Variants in ADAM19 observed in about 807,000 individuals in gnomAD.
ADAM19 encodes ADAM metallopeptidase domain 19.
In ADAM19, 65 loss-of-function variants were observed where a neutral mutation model predicts 114.7. That is an observed-to-expected ratio of 0.57 (90% CI 0.46 to 0.70). The LOEUF is 0.70. Among genes scored for constraint, ADAM19 ranks in the 30% least tolerant of loss-of-function variants. The pLI is 0.00. For missense variants in ADAM19, 1,063 were observed against 1,204.7 expected (o/e 0.88, Z 1.74); for synonymous variants, 466 against 460.5 (o/e 1.01, Z -0.15).
intron 1 of ADAM19, among the ~76,000 whole-genome samples, chr5:157,574,009 T>C (rs546644960): frequency 2.2e-4 from 33 of 152,352 alleles, no homozygotes; most frequent in African/African-American, 7.0e-4. Flanking sequence ...TTGAAAACTT[T>C]GTATAGAGTC....
At chr5:157,561,301 T>A (rs566787219) in intron 3 of ADAM19, among the ~76,000 whole-genome samples, 7 of 152,230 alleles carry the variant, frequency 4.6e-5, no homozygotes, top group Non-Finnish European at 8.8e-5. Flanking sequence ...CCATGCCCCA[T>A]GCCTTTCCAT....
rs149873195 is a variant in ADAM19 at position 157,509,435 on chromosome 5, G to A, written c.771C>T (p.Leu257=). The A allele has an allele frequency of 5.4e-4, 870 of 1,609,236 alleles. 3 individuals are homozygous for A. The highest frequency in any genetic ancestry group is 6.6e-4 in the Non-Finnish European group (780 of 1,177,350). ...FYRSLNIRIA[L]VGLEVWTHGN... ...CGTGGGTCCACACTTCCAAGCCCAC[G>A]AGAGCAATCCGGATGTTCAAGGATC... The change falls in exon 9 of 23, where the codon CTC becomes CTT. Residue 257 remains leucine (L), a synonymous_variant. Transcript: ENST00000257527.
At chr5:157,491,963 G>A (rs1294553642) in intron 16 of ADAM19, 51 bp from the exon 17 acceptor site, 1 of 1,595,536 alleles carries the variant, frequency 6.3e-7, no homozygotes. Flanking sequence ...GATGCTGGTT[G>A]GGAGTTAGGA....
At chr5:157,514,142 G>A (rs978161610) in intron 7 of ADAM19, among the ~76,000 whole-genome samples, 21 of 152,060 alleles carry the variant, frequency 1.4e-4, no homozygotes, top group East Asian at 1.2e-3. Context: ...AAAACCTGCC[G>A]GGAAAACGTG....
At chr5:157,524,379 T>C (rs956954735) in intron 5 of ADAM19, among the ~76,000 whole-genome samples, 1 of 152,178 alleles carries the variant, frequency 6.6e-6, no homozygotes, top group African/African-American at 2.4e-5. Flanking sequence ...ACAAATGAAA[T>C]TGTATAGGAA....
intron 4 of ADAM19, among the ~76,000 whole-genome samples, chr5:157,535,288 A>G (rs556235986): frequency 4.3e-4 from 65 of 152,112 alleles, no homozygotes; most frequent in Non-Finnish European, 8.7e-4. Flanking sequence ...CATTCCCCCA[A>G]CCGCCTGACC....
At chr5:157,504,151 C>T (rs1272549169) in intron 11 of ADAM19, among the ~76,000 whole-genome samples, 6 of 152,188 alleles carry the variant, frequency 3.9e-5, no homozygotes, top group South Asian at 2.1e-4. Context: ...TCTTCAGATA[C>T]GCTTTTTAGA....
chr5:157,522,031 C>A (rs1756306447), intron 5 of ADAM19, among the ~76,000 whole-genome samples: 1 of 152,222 alleles, frequency 6.6e-6, no homozygotes, highest in South Asian at 2.1e-4. Flanking sequence ...ATCACTTGAA[C>A]AAGCCTGTGA....
At chr5:157,488,597 C>T (rs1755034145) in intron 20 of ADAM19, 108 bp from the exon 21 acceptor site, 7 of 854,906 alleles carry the variant, frequency 8.2e-6, no homozygotes, top group Middle Eastern at 3.7e-4. Context: ...ACACACCAAT[C>T]TATTAAACCC....
At chr5:157,509,823 CAT>C (rs1454541664) in intron 8 of ADAM19, among the ~76,000 whole-genome samples, 3 of 152,192 alleles carry the variant, frequency 2.0e-5, no homozygotes, top group Non-Finnish European at 2.9e-5. Context: ...ATAGGTCTAT[CAT>C]GTGGAAAAAG....
chr5:157,528,104 G>A (rs773139383), intron 5 of ADAM19, among the ~76,000 whole-genome samples: 78 of 152,182 alleles, frequency 5.1e-4, no homozygotes, highest in African/African-American at 1.7e-3. Context: ...GTGTTTTGAC[G>A]ACATGGGTTT....
In ADAM19 at chr5:157,494,682, A is replaced by G. The variant is rs1309333603; in HGVS notation, c.1703+5T>C. ...ATTTCATGAGGCCTGCCCTTTGGTC[A>G]TCACCTCATGTTGCACTTCCTGTGT... On this transcript the variant is annotated splice_donor_5th_base_variant and intron_variant, in intron 15 of 22. Coordinates refer to ENST00000257527, the MANE Select transcript of ADAM19 (RefSeq NM_033274.5). 6.2e-7 allele frequency: 1 copy of G among 1,611,746 alleles called. No homozygotes were observed. The highest frequency in any genetic ancestry group is 1.1e-5 in the South Asian group (1 of 91,004).
Position 157,493,107 on chromosome 5 carries a change from T to C in ADAM19, c.1774A>G (p.Ile592Val). 6 of 1,614,200 alleles carry C rather than the reference T, an allele frequency of 3.7e-6. No individual in the cohort carries two copies. The highest frequency in any genetic ancestry group is 2.2e-5 in the East Asian group (1 of 44,878). ...CCATTCATGATGATAGTGGTGTCAA[T>C]GGGCACCGCGTTGGACTCCAGGGGC... ...ARPLESNAVPIDTTIIMNGRQ... is the reference protein window; with the variant it reads ...ARPLESNAVPVDTTIIMNGRQ... The change falls in exon 16 of 23, where the codon ATT becomes GTT. Residue 592 changes from isoleucine to valine, a missense_variant. Ile to Val is a conservative substitution (Grantham distance 29). Transcript: ENST00000257527.
At chr5:157,505,860 G>GC (rs1350371024) in intron 10 of ADAM19, 52 bp from the exon 11 acceptor site, 10 of 1,582,106 alleles carry the variant, frequency 6.3e-6, no homozygotes, top group Non-Finnish European at 6.9e-6. Context: ...ATCTGCCTCT[G>GC]CCCCCCATCC....
intron 21 of ADAM19, among the ~76,000 whole-genome samples, chr5:157,487,075 C>T (rs1187054010): frequency 6.6e-6 from 1 of 152,108 alleles, no homozygotes; most frequent in Non-Finnish European, 1.5e-5. Flanking sequence ...GGACTCTTAG[C>T]CTCTAGAACT....
At chr5:157,486,358 G>A (rs1754930168) in intron 21 of ADAM19, among the ~76,000 whole-genome samples, 1 of 152,208 alleles carries the variant, frequency 6.6e-6, no homozygotes, top group African/African-American at 2.4e-5. Context: ...GCCTCCCACT[G>A]TTCGCTTGTA....
chr5:157,499,110 C>T (rs1755466229), intron 13 of ADAM19, among the ~76,000 whole-genome samples: 1 of 152,024 alleles, frequency 6.6e-6, no homozygotes, highest in Non-Finnish European at 1.5e-5. Flanking sequence ...ACCTCTTATC[C>T]CCTATAAGCT....
chr5:157,488,995 ACT>A (rs1755055807), intron 20 of ADAM19, 105 bp downstream of exon 20: 3 of 832,518 alleles, frequency 3.6e-6, no homozygotes, highest in Admixed American at 2.1e-5. Flanking sequence ...GCGCCACTGT[ACT>A]CCAGCCTGGG....
At position 157,486,179 on chromosome 5, in the gene ADAM19, C is replaced by T. The variant is rs12513538; in HGVS notation, c.2550+2086G>A. ...AGCTGGATGAGACCTGGGTTCAAGT[C>T]CTAGCTCCTCCACTCACAACTGTGC... is the stretch of plus-strand genomic sequence containing the variant. On this transcript the variant is annotated intron_variant, in intron 21 of 22. Transcript: ENST00000257527. Among the ~76,000 whole-genome samples the T allele has an allele frequency of 3.7e-3, 564 of 152,274 alleles. 17 individuals carry two copies. Among genetic ancestry groups the T allele is most frequent in the Admixed American group, 0.031 (478 of 15,300 alleles).
Sources: gnomAD v4.1 joint callset for allele counts (sites outside exome capture counted in the v4.1 genomes callset) on GRCh38, gnomAD v4.1.1 for gene constraint, MANE v1.5 for transcripts, NCBI Gene and HGNC (gene_info 2026-07-23, HGNC 2026-07-21) for gene names.